The following MT4 variants were observed in gnomAD, a reference collection of about 807,000 sequenced individuals.
MT4 encodes the protein metallothionein 4.
Under a neutral mutation model 9.5 loss-of-function variants are expected in MT4, and 11 were observed. The ratio of observed to expected loss-of-function variants is 1.16; its 90% CI spans 0.73 to 1.92. The LOEUF (loss-of-function observed/expected upper bound fraction) is 1.92. Among genes scored for constraint, MT4 ranks in the 30% most tolerant of loss-of-function variants. The probability of loss-of-function intolerance (pLI) is 0.00; values close to 1 mark genes in which losing one functional copy is unlikely to be tolerated. For missense variants in MT4, 88 were observed against 78.7 expected (o/e 1.12, Z -0.45); for synonymous variants, 29 against 24.6 (o/e 1.18, Z -0.53).
chr16:56,565,126 A>G lies in MT4; in HGVS notation c.-3A>G. 6.2e-7 allele frequency: 1 copy of G among 1,613,154 alleles called. No homozygotes were observed. Among genetic ancestry groups the G allele is most frequent in the Non-Finnish European group, 8.5e-7 (1 of 1,179,602 alleles). ...GCACTGGAGCCTTTCGGACACCTGG[A>G]CCATGGACCCCAGGGAATGTGTCTG... On this transcript the variant is annotated 5_prime_UTR_variant, in exon 1 of 3. Coordinates refer to ENST00000219162, the MANE Select transcript of MT4 (RefSeq NM_032935.3).
intron 2 of MT4, 54 bp from the exon 3 acceptor site, chr16:56,568,787 G>A: frequency 7.8e-7 from 1 of 1,275,042 alleles, no homozygotes; most frequent in Admixed American, 2.1e-5. Context: ...AGGGGCAGTG[G>A]TGAGATGGAA....
intron 1 of MT4, among the ~76,000 whole-genome samples, chr16:56,566,749 G>A (rs12922677): frequency 0.023 from 1,232 of 54,376 alleles, 2 homozygotes; most frequent in African/African-American, 0.036. Context: ...AAAGAAAGAA[G>A]GAAGGAAGGA....
intron 1 of MT4, among the ~76,000 whole-genome samples, chr16:56,566,809 A>AAGGAAGGAAGGAAGGAAG (rs1959537408): frequency 2.1e-5 from 1 of 47,396 alleles, no homozygotes; most frequent in Admixed American, 3.0e-4. Flanking sequence ...AAAGAAAGAA[A>AAGGAAGGAAGGAAGGAAG]GAAAGAAAGA....
intron 1 of MT4, among the ~76,000 whole-genome samples, chr16:56,566,807 AAAGAAAGAAAGAAAAGAAAGAAAGAAAG>A (rs879731344): frequency 0.084 from 4,396 of 52,552 alleles, 94 homozygotes; most frequent in Middle Eastern, 0.18. Flanking sequence ...AGAAAGAAAG[AAAGAAAGAAAGAAAAGAAAGAAAGAAAG>A]AAAGAAAGAA....
intron 1 of MT4, among the ~76,000 whole-genome samples, chr16:56,567,272 T>C (rs1167191773): frequency 6.6e-6 from 1 of 152,030 alleles, no homozygotes; most frequent in Non-Finnish European, 1.5e-5. Flanking sequence ...GATTCACCTG[T>C]CTTGGCCTCC....
chr16:56,568,379 G>A (rs766235961), intron 2 of MT4, among the ~76,000 whole-genome samples: 2 of 152,028 alleles, frequency 1.3e-5, no homozygotes, highest in Admixed American at 1.3e-4. Context: ...GGTGGATTGG[G>A]GCTTGTGGGG....
Position 56,565,120 on chromosome 16 carries a change from A to T in MT4, c.-9A>T, listed in dbSNP as rs1959499904. ...GTGACAGCACTGGAGCCTTTCGGAC[A>T]CCTGGACCATGGACCCCAGGGAATG... On this transcript the variant is annotated 5_prime_UTR_variant, in exon 1 of 3. Transcript: ENST00000219162. 6.2e-7 allele frequency: 1 copy of T among 1,613,054 alleles called. No homozygotes were observed. The highest frequency in any genetic ancestry group is 8.5e-7 in the Non-Finnish European group (1 of 1,179,622).
At chr16:56,566,722 GAAA>G (rs1567329789) in intron 1 of MT4, among the ~76,000 whole-genome samples, 278 of 48,554 alleles carry the variant, frequency 5.7e-3, no homozygotes, top group South Asian at 0.023. Flanking sequence ...AAGAAAGAAA[GAAA>G]GAAAGAAAGA....
Position 56,568,271 on chromosome 16 carries a change from G to GAA in MT4, c.97+456_97+457insAA, listed in dbSNP as rs1349217551. 5.9e-3 allele frequency among the ~76,000 whole-genome samples: 348 copies of GAA among 58,626 alleles called. 8 individuals carry two copies. Among genetic ancestry groups the GAA allele is most frequent in the East Asian group, 9.7e-3 (16 of 1,652 alleles). The allele number at this position is 58,626 out of a possible 152,430, so 38.5% of individuals were successfully genotyped here. A position where few individuals can be genotyped will look rare whatever the true frequency, so the allele number is the denominator to read the frequency against. ...AGAAAGAAAGAAAGAGAGAGAGAGA[G>GAA]AGAAAGAAAGAAAGAAAGAAAGAAA... On this transcript the variant is annotated intron_variant, in intron 2 of 2. Transcript: ENST00000219162.
intron 2 of MT4, among the ~76,000 whole-genome samples, chr16:56,568,331 A>G (rs1296983306): frequency 6.6e-6 from 1 of 150,600 alleles, no homozygotes; most frequent in African/African-American, 2.5e-5. Flanking sequence ...GAAAGAAAGA[A>G]AGAAAGATCC....
intron 1 of MT4, among the ~76,000 whole-genome samples, chr16:56,566,835 G>T (rs866626831): frequency 6.4e-5 from 7 of 109,490 alleles, no homozygotes; most frequent in Admixed American, 1.9e-4. Context: ...AAGAAAGAAA[G>T]AAAGAAAGAA....
At chr16:56,566,524 CGGAAGGAAA>C (rs1959519442) in intron 1 of MT4, among the ~76,000 whole-genome samples, 1 of 79,664 alleles carries the variant, frequency 1.3e-5, no homozygotes, top group Non-Finnish European at 2.8e-5. Flanking sequence ...GAAGAAAGAA[CGGAAGGAAA>C]GAAGGAAAGA....
rs1163607502 is a variant in MT4, at chr16:56,565,153, A to T, written c.25A>T (p.Met9Leu). 1 of 1,612,766 alleles carries T rather than the reference A, an allele frequency of 6.2e-7. No homozygotes were observed. The highest frequency in any genetic ancestry group is 8.5e-7 in the Non-Finnish European group (1 of 1,179,424). The stretch of plus-strand genomic sequence containing the variant: ...CATGGACCCCAGGGAATGTGTCTGC[A>T]TGTCTGGTGAGTAAAGAAGCCCTCC... MDPRECVC[M>L]SGGICMCGDN... The change falls in exon 1 of 3, where the codon ATG becomes TTG. Residue 9 changes from methionine to leucine, a missense_variant. Transcript: ENST00000219162.
intron 1 of MT4, among the ~76,000 whole-genome samples, chr16:56,566,524 C>T (rs11641120): frequency 0.098 from 7,771 of 79,662 alleles, 231 homozygotes; most frequent in Middle Eastern, 0.21. Context: ...GAAGAAAGAA[C>T]GGAAGGAAAG....
chr16:56,568,828 C>T lies in MT4; in HGVS notation c.98-13C>T. The T allele has an allele frequency of 6.3e-7, 1 of 1,576,608 alleles. No homozygotes were observed. Among genetic ancestry groups the T allele is most frequent in the South Asian group, 1.2e-5 (1 of 85,254 alleles). On this transcript the variant is annotated splice_polypyrimidine_tract_variant and intron_variant, in intron 2 of 2. Coordinates refer to ENST00000219162, the MANE Select transcript of MT4 (RefSeq NM_032935.3). The stretch of plus-strand genomic sequence containing the variant: ...GACCCACAGCGGATCTGCGCATCTC[C>T]TGACTCTTTCAGGCTGCTGTCCCTG...
In MT4 at chr16:56,567,689, G is replaced by C. The variant is rs1959553063; in HGVS notation, c.32-62G>C. On this transcript the variant is annotated intron_variant, in intron 1 of 2. Transcript: ENST00000219162. ...TTGCCACTCTGACAGTCGGCATCAT[G>C]CCTTATGTTCCCCACTCCATCTCCA... 10 of 1,492,606 alleles carry C rather than the reference G, an allele frequency of 6.7e-6. No individual in the cohort carries two copies. The African/African-American group carries it at 9.6e-5, about 14-fold the overall frequency. The allele number at this position is 1,492,606 out of a possible 1,614,324, so 92.5% of individuals were successfully genotyped here.
Position 56,565,111 on chromosome 16 carries a change from C to T in MT4, c.-18C>T, listed in dbSNP as rs1376701264. The T allele has an allele frequency of 1.2e-6, 2 of 1,613,154 alleles. No individual in the cohort carries two copies. The highest frequency in any genetic ancestry group is 2.7e-5 in the African/African-American group (2 of 74,894). ...TCCCCAGCCGTGACAGCACTGGAGC[C>T]TTTCGGACACCTGGACCATGGACCC... is the stretch of plus-strand genomic sequence containing the variant. On this transcript the variant is annotated 5_prime_UTR_variant, in exon 1 of 3. Coordinates refer to ENST00000219162, the MANE Select transcript of MT4 (RefSeq NM_032935.3).
At chr16:56,567,601 C>G in intron 1 of MT4, 150 bp from the exon 2 acceptor site, 1 of 666,370 alleles carries the variant, frequency 1.5e-6, no homozygotes. Flanking sequence ...GACACTGGGT[C>G]GATGCTCAGC....
intron 2 of MT4, among the ~76,000 whole-genome samples, chr16:56,568,285 G>GA (rs1281593337): frequency 2.4e-4 from 32 of 131,480 alleles, no homozygotes; most frequent in Non-Finnish European, 2.1e-4. Context: ...AAGAAAGAAA[G>GA]AAAGAAAGAA....
Sources: gnomAD v4.1 joint callset for allele counts (sites outside exome capture counted in the v4.1 genomes callset) on GRCh38, gnomAD v4.1.1 for gene constraint, MANE v1.5 for transcripts, NCBI Gene and HGNC (gene_info 2026-07-23, HGNC 2026-07-21) for gene names.